The following TANC1 variants were observed in gnomAD, a reference collection of about 807,000 sequenced individuals.
TANC1 encodes the protein protein TANC1.
In TANC1, 77 loss-of-function variants were observed where a neutral mutation model predicts 149.7. The observed-to-expected ratio is 0.51, with a 90% CI of 0.43 to 0.62. TANC1 has a LOEUF of 0.62. TANC1 is among the 20% of genes least tolerant of loss of function. TANC1 has a pLI of 0.00. For missense variants in TANC1, 1,985 were observed against 2,321.8 expected (o/e 0.85, Z 2.98); for synonymous variants, 854 against 925.0 (o/e 0.92, Z 1.39).
chr2:159,091,405 A>G (rs532550156), intron 3 of TANC1, among the ~76,000 whole-genome samples: 11 of 152,374 alleles, frequency 7.2e-5, no homozygotes, highest in African/African-American at 2.6e-4. Context: ...TAAAAAATAA[A>G]AAGAGCATTT....
chr2:159,206,133 C>G (rs2058589719), intron 19 of TANC1, among the ~76,000 whole-genome samples: 1 of 152,188 alleles, frequency 6.6e-6, no homozygotes, highest in Non-Finnish European at 1.5e-5. Flanking sequence ...CCAGTACCCT[C>G]AAGGGTGCGT....
At chr2:159,112,540 G>A (rs1214791628) in intron 4 of TANC1, among the ~76,000 whole-genome samples, 1 of 148,456 alleles carries the variant, frequency 6.7e-6, no homozygotes, top group Non-Finnish European at 1.5e-5. Flanking sequence ...ACAGGCGTGA[G>A]CCACTGCACC....
At chr2:159,153,860 G>A (rs796265060) in intron 7 of TANC1, among the ~76,000 whole-genome samples, 90 of 152,232 alleles carry the variant, frequency 5.9e-4, no homozygotes, top group African/African-American at 2.0e-3. Flanking sequence ...CAGCTTTTGG[G>A]CATTGTAAGT....
At chr2:159,032,747 A>G (rs946364485) in intron 2 of TANC1, among the ~76,000 whole-genome samples, 1 of 150,440 alleles carries the variant, frequency 6.6e-6, no homozygotes, top group African/African-American at 2.5e-5. Flanking sequence ...GCTCTGAGGG[A>G]GAGCCTGTGA....
At chr2:159,007,343 T>TC (rs987475307) in intron 2 of TANC1, among the ~76,000 whole-genome samples, 19 of 152,094 alleles carry the variant, frequency 1.2e-4, no homozygotes, top group Non-Finnish European at 1.0e-4. Flanking sequence ...ACAGGGTTTT[T>TC]CCATGTTGGT....
At chr2:159,040,122 T>C (rs962629652) in intron 2 of TANC1, among the ~76,000 whole-genome samples, 5 of 152,226 alleles carry the variant, frequency 3.3e-5, no homozygotes, top group African/African-American at 1.2e-4. Flanking sequence ...TCGTTGTCTC[T>C]TTTGATCTCT....
chr2:159,144,597 C>T (rs547147164), intron 5 of TANC1, among the ~76,000 whole-genome samples: 3 of 152,256 alleles, frequency 2.0e-5, no homozygotes, highest in African/African-American at 4.8e-5. Context: ...AGGCTGCTCT[C>T]GAACTCCTGA....
chr2:159,205,485 C>A (rs1306970349), intron 19 of TANC1, among the ~76,000 whole-genome samples: 1 of 152,190 alleles, frequency 6.6e-6, no homozygotes, highest in Non-Finnish European at 1.5e-5. Flanking sequence ...TGTTCCCATA[C>A]AATACTGTGT....
intron 2 of TANC1, among the ~76,000 whole-genome samples, chr2:159,054,701 CATTG>C (rs1048287851): frequency 6.6e-6 from 1 of 152,202 alleles, no homozygotes; most frequent in Non-Finnish European, 1.5e-5. Flanking sequence ...ATTCAGCTGG[CATTG>C]ATTGAGTGCC....
intron 3 of TANC1, among the ~76,000 whole-genome samples, chr2:159,082,371 TAAAAAAA>T (rs5835731): frequency 6.7e-6 from 1 of 148,152 alleles, no homozygotes; most frequent in Non-Finnish European, 1.5e-5. Context: ...TTAAACTTGT[TAAAAAAA>T]AAAAAAAGAC....
At chr2:159,002,865 T>A (rs2036749880) in intron 2 of TANC1, among the ~76,000 whole-genome samples, 1 of 152,162 alleles carries the variant, frequency 6.6e-6, no homozygotes, top group South Asian at 2.1e-4. Flanking sequence ...TTTGAATAAA[T>A]AAAAAGATGT....
At chr2:159,172,604 C>T (rs1193089194) in intron 11 of TANC1, among the ~76,000 whole-genome samples, 9 of 152,208 alleles carry the variant, frequency 5.9e-5, no homozygotes, top group African/African-American at 1.9e-4. Context: ...AAATTGGGAG[C>T]TTTTGACTTG....
chr2:159,225,617 G>A, intron 23 of TANC1, 71 bp from the exon 24 acceptor site: 1 of 1,252,688 alleles, frequency 8.0e-7, no homozygotes, highest in Non-Finnish European at 1.2e-6. Context: ...TCCAGCCGTG[G>A]GGCCACGGAG....
At chr2:159,109,541 G>C (rs547813572) in intron 4 of TANC1, among the ~76,000 whole-genome samples, 31 of 152,302 alleles carry the variant, frequency 2.0e-4, no homozygotes, top group African/African-American at 7.2e-4. Context: ...GTGAGAATAC[G>C]GTAGTTCTTC....
chr2:159,086,456 G>A (rs917256882), intron 3 of TANC1, among the ~76,000 whole-genome samples: 2 of 152,078 alleles, frequency 1.3e-5, no homozygotes, highest in Admixed American at 6.6e-5. Flanking sequence ...ACATGGACAA[G>A]GGCAAGTGTG....
rs1178508975 is a variant in TANC1, at chr2:159,150,404, C to G, written c.530C>G (p.Ser177Cys). Residue 177 changes from serine to cysteine, a missense_variant, in exon 7 of 27, where the codon TCC becomes TGC. Transcript: ENST00000263635. ...CTGAGTCAAGGCATCAGTCCTTGCT[C>G]CACACTAACAAGCAGCACCGCATCT... ...TALSQGISPC[S>C]TLTSSTASPS... is the part of the protein sequence containing the mutation. The G allele has an allele frequency of 6.2e-7, 1 of 1,614,012 alleles. No individual in the cohort carries two copies. Among genetic ancestry groups the G allele is most frequent in the Non-Finnish European group, 8.5e-7 (1 of 1,180,020 alleles).
intron 7 of TANC1, among the ~76,000 whole-genome samples, chr2:159,161,947 A>G (rs1344132882): frequency 6.6e-6 from 1 of 152,234 alleles, no homozygotes; most frequent in East Asian, 1.9e-4. Flanking sequence ...CTATTCAGAA[A>G]AGGAAAAGAT....
intron 2 of TANC1, chr2:159,056,020 GC>G: frequency 3.2e-6 from 1 of 316,864 alleles, no homozygotes; most frequent in South Asian, 3.7e-5. Context: ...GCCCCACTGG[GC>G]CATCTTGTTG....
At chr2:159,090,905 T>G (rs1486503175) in intron 3 of TANC1, among the ~76,000 whole-genome samples, 1 of 152,066 alleles carries the variant, frequency 6.6e-6, no homozygotes, top group Non-Finnish European at 1.5e-5. Flanking sequence ...GCATGAGGTG[T>G]GACTGAGAGA....
Sources: allele counts gnomAD v4.1 joint callset (sites outside exome capture counted in the v4.1 genomes callset), GRCh38; gene constraint gnomAD v4.1.1; transcripts MANE v1.5; gene names NCBI Gene and HGNC (gene_info 2026-07-23, HGNC 2026-07-21).